NUTM2G: variants seen among roughly 807,000 people sequenced by gnomAD.
The protein encoded by NUTM2G is NUT family member 2G.
In NUTM2G, 29 loss-of-function variants were observed where a neutral mutation model predicts 44.3. The ratio of observed to expected loss-of-function variants is 0.66; its 90% CI spans 0.49 to 0.89. The LOEUF (loss-of-function observed/expected upper bound fraction) is 0.89. NUTM2G is among the 40% of genes least tolerant of loss of function. The probability of loss-of-function intolerance (pLI) is 0.00; values close to 1 mark genes in which losing one functional copy is unlikely to be tolerated. For missense variants in NUTM2G, 502 were observed against 946.5 expected (o/e 0.53, Z 6.16); for synonymous variants, 205 against 395.9 (o/e 0.52, Z 5.72).
downstream of NUTM2G, chr9:96,940,314 C>A (rs189309010): frequency 2.9e-3 from 451 of 153,486 alleles, 7 homozygotes; most frequent in Admixed American, 0.027. Flanking sequence ...GAGTCGGGGG[C>A]CAGGTGTTCA....
Position 96,937,337 on chromosome 9 carries a change from T to C in NUTM2G, c.1256T>C (p.Met419Thr). The change falls in exon 5 of 7, where the codon ATG becomes ACG. Residue 419 changes from methionine (M) to threonine (T), a missense_variant. Transcript: ENST00000372322. ...GAGCAGCCGCAGGAAGAGGACGGGA[T>C]GACCTCAGACCCGGGCCTCCTGAGC... Reference protein sequence around the residue: ...KVEQPQEEDGMTSDPGLLSYI... With the variant: ...KVEQPQEEDGTTSDPGLLSYI... 6.2e-7 allele frequency: 1 copy of C among 1,613,924 alleles called. No individual in the cohort carries two copies. The highest frequency in any genetic ancestry group is 8.5e-7 in the Non-Finnish European group (1 of 1,179,860).
At chr9:96,934,299 C>A (rs1239383664) in intron 2 of NUTM2G, among the ~76,000 whole-genome samples, 2 of 152,234 alleles carry the variant, frequency 1.3e-5, no homozygotes, top group Non-Finnish European at 2.9e-5. Context: ...AGCATATCCA[C>A]CGTGCAACAC....
rs557673424 is a variant in NUTM2G, at chr9:96,937,096, C to T, written c.1015C>T (p.Pro339Ser). The change falls in exon 5 of 7, where the codon CCG (proline) becomes TCG (serine). Residue 339 changes from proline to serine, a missense_variant. Coordinates refer to ENST00000372322, the MANE Select transcript of NUTM2G (RefSeq NM_001170741.3). The stretch of plus-strand genomic sequence containing the variant: ...TCCCAGCAAGGATGGCCCCAAGGCC[C>T]CGACTGCCTGCCTGCCACCACCCAG... Reference protein sequence around the residue: ...YLPSKDGPKAPTACLPPPRPQ... With the variant: ...YLPSKDGPKASTACLPPPRPQ... 2.5e-6 allele frequency: 4 copies of T among 1,610,578 alleles called. No homozygotes were observed. The South Asian group carries it at 3.3e-5, about 13-fold the overall frequency.
intron 2 of NUTM2G, chr9:96,933,875 C>T (rs545026543): frequency 1.2e-4 from 18 of 152,180 alleles, no homozygotes; most frequent in African/African-American, 4.3e-4. Context: ...GCACTAGGGT[C>T]GATGCTGGGC....
Position 96,937,169 on chromosome 9 carries a change from C to A in NUTM2G, c.1088C>A (p.Pro363His), listed in dbSNP as rs201931025. Residue 363 changes from proline to histidine, a missense_variant, in exon 5 of 7, where the codon CCC becomes CAC. By Grantham distance (77) the Pro-to-His change is moderately conservative. Coordinates refer to ENST00000372322, the MANE Select transcript of NUTM2G (RefSeq NM_001170741.3). ...AAGGCCCACCTGCCACCACCCAGGC[C>A]CCCGAGGCCAGCAGAGACCAAGGTC... ...ETKAHLPPPR[P>H]PRPAETKVPE... The A allele has an allele frequency of 1.6e-4, 258 of 1,612,464 alleles. No individual in the cohort carries two copies. The highest frequency in any genetic ancestry group is 2.1e-4 in the Middle Eastern group (1 of 4,776).
In NUTM2G at chr9:96,937,117, C is replaced by T; in HGVS notation, c.1036C>T (p.Pro346Ser). The T allele has an allele frequency of 3.7e-6, 6 of 1,611,724 alleles. No homozygotes were observed. Among genetic ancestry groups the T allele is most frequent in the South Asian group, 2.2e-5 (2 of 90,980 alleles). Residue 346 changes from proline to serine, a missense_variant, in exon 5 of 7, where the codon CCC becomes TCC. Coordinates refer to ENST00000372322, the MANE Select transcript of NUTM2G (RefSeq NM_001170741.3). Reference sequence around the variant, plus strand: ...GGCCCCGACTGCCTGCCTGCCACCACCCAGGCCCCAGAGGCCAGCGGAGAC... The same window carrying T: ...GGCCCCGACTGCCTGCCTGCCACCATCCAGGCCCCAGAGGCCAGCGGAGAC... ...PKAPTACLPP[P>S]RPQRPAETKA...
chr9:96,935,919 C>A (rs1826416787), intron 3 of NUTM2G, among the ~76,000 whole-genome samples: 1 of 151,394 alleles, frequency 6.6e-6, no homozygotes, highest in African/African-American at 2.4e-5. Context: ...GGCCTGACTG[C>A]CTTTGCTCCT....
chr9:96,936,366 G>C (rs1235811314), intron 3 of NUTM2G, 59 bp from the exon 4 acceptor site: 4 of 1,541,938 alleles, frequency 2.6e-6, no homozygotes, highest in Non-Finnish European at 3.5e-6. Flanking sequence ...CTGCTGCCTG[G>C]TCCTGGGGGG....
chr9:96,942,762 C>T (rs1432177649), downstream of NUTM2G: 1 of 150,880 alleles, frequency 6.6e-6, no homozygotes, highest in African/African-American at 2.5e-5. Context: ...ACTGTATGAG[C>T]GATTAAAAGA....
chr9:96,930,895 TTTTTTTTTTTTTTTTTTG>T (rs1826223293), intron 1 of NUTM2G, among the ~76,000 whole-genome samples: 2 of 84,624 alleles, frequency 2.4e-5, no homozygotes, highest in African/African-American at 1.4e-4. Flanking sequence ...TTTTTTTTTT[TTTTTTTTTTTTTTTTTTG>T]AGACGGAGTC....
intron 2 of NUTM2G, among the ~76,000 whole-genome samples, chr9:96,933,272 C>T (rs1430573167): frequency 6.6e-6 from 1 of 151,832 alleles, no homozygotes; most frequent in Non-Finnish European, 1.5e-5. Flanking sequence ...CCCACCGTGC[C>T]CGGCTTTTAC....
downstream of NUTM2G, among the ~76,000 whole-genome samples, chr9:96,941,527 ACTCT>A (rs369017559): frequency 5.7e-5 from 8 of 140,242 alleles, no homozygotes; most frequent in South Asian, 2.4e-4. Context: ...AGATCCCAGC[ACTCT>A]CTCTCTCTCC....
intron 1 of NUTM2G, among the ~76,000 whole-genome samples, chr9:96,930,760 T>C (rs1373785306): frequency 6.6e-6 from 1 of 150,776 alleles, no homozygotes; most frequent in Non-Finnish European, 1.5e-5. Context: ...TGACCCCTAT[T>C]TAACACTTGT....
Position 96,938,839 on chromosome 9 carries a change from TGTCCCA to T in NUTM2G, c.1918_1923del (p.Gln641_Ser642del). ...CACCACAGGCTGAGGCCCTGGAGGC[TGTCCCA>T]GAGCCCTGTCCCTTCCTCGGGCCTT... On this transcript the variant is annotated inframe_deletion, in exon 7 of 7. Transcript: ENST00000372322. 6.5e-7 allele frequency: 1 copy of T among 1,542,448 alleles called. No individual in the cohort carries two copies. Among genetic ancestry groups the T allele is most frequent in the Non-Finnish European group, 8.7e-7 (1 of 1,147,622 alleles).
rs760953280 is a variant in NUTM2G, at chr9:96,938,015, G to C, written c.1440+14G>C. 2.8e-5 allele frequency: 45 copies of C among 1,612,318 alleles called. No homozygotes were observed. The South Asian group carries it at 4.1e-4, about 15-fold the overall frequency. Reference sequence around the variant, plus strand: ...ACCCTTGCCCAGGTAGAGCAGCAGAGGGAGGGGAACCCAGGTACTCCAGGG... The same window carrying C: ...ACCCTTGCCCAGGTAGAGCAGCAGACGGAGGGGAACCCAGGTACTCCAGGG... On this transcript the variant is annotated intron_variant, in intron 6 of 6. Transcript: ENST00000372322.
At chr9:96,930,644 T>C (rs1588198505) in intron 1 of NUTM2G, among the ~76,000 whole-genome samples, 1 of 149,082 alleles carries the variant, frequency 6.7e-6, no homozygotes, top group East Asian at 2.0e-4. Flanking sequence ...ACAATGACAA[T>C]ATCTCAGGGG....
downstream of NUTM2G, chr9:96,942,770 A>G (rs1278137504): frequency 6.6e-6 from 1 of 151,536 alleles, no homozygotes; most frequent in Non-Finnish European, 1.5e-5. Flanking sequence ...AGCGATTAAA[A>G]GATATTCTCT....
chr9:96,942,759 G>A (rs1826624990), downstream of NUTM2G: 1 of 151,030 alleles, frequency 6.6e-6, no homozygotes, highest in African/African-American at 2.5e-5. Context: ...TAAACTGTAT[G>A]AGCGATTAAA....
Position 96,935,429 on chromosome 9 carries a change from G to A in NUTM2G, c.815G>A (p.Arg272Gln), listed in dbSNP as rs559136580. The change falls in exon 3 of 7, where the codon CGG becomes CAG. Residue 272 changes from arginine to glutamine, a missense_variant. Arg to Gln is a conservative substitution (Grantham distance 43). Coordinates refer to ENST00000372322, the MANE Select transcript of NUTM2G (RefSeq NM_001170741.3). ...TGGCAGCACACGAGCAACTTTGACC[G>A]GATGATTTTCTACGAGATGGCGGCA... is the stretch of plus-strand genomic sequence containing the variant. ...REWQHTSNFD[R>Q]MIFYEMAAKF... 120 of 1,612,062 alleles carry A rather than the reference G, an allele frequency of 7.4e-5. 3 individuals carry two copies. The Admixed American group carries it at 1.3e-3, about 18-fold the overall frequency.
Sources: gnomAD v4.1 joint callset for allele counts (sites outside exome capture counted in the v4.1 genomes callset) on GRCh38, gnomAD v4.1.1 for gene constraint, MANE v1.5 for transcripts, NCBI Gene and HGNC (gene_info 2026-07-23, HGNC 2026-07-21) for gene names.